Variants in TRAPPC9 observed in about 807,000 individuals in gnomAD.
TRAPPC9 encodes IKK2 binding protein.
TRAPPC9 carries 83 observed loss-of-function variants against 124.0 expected under a neutral mutation model. The ratio of observed to expected loss-of-function variants is 0.67; its 90% CI spans 0.56 to 0.80. The LOEUF is 0.80. Among genes scored for constraint, TRAPPC9 ranks in the 30% least tolerant of loss-of-function variants. TRAPPC9 has a pLI of 0.00. For synonymous variants in TRAPPC9, 638 were observed against 617.5 expected, an observed-to-expected ratio of 1.03 and a Z score of -0.49; for missense variants, 1,302 against 1,508.3, an observed-to-expected ratio of 0.86 and a Z score of 2.27.
chr8:139,837,930 G>A (rs148312779), intron 21 of TRAPPC9, among the ~76,000 whole-genome samples: 140 of 152,164 alleles, frequency 9.2e-4, no homozygotes, highest in Non-Finnish European at 1.6e-3. Flanking sequence ...CTCACAGCTC[G>A]CCCATCTCTA....
chr8:139,888,170 G>A (rs1489632696), intron 20 of TRAPPC9, among the ~76,000 whole-genome samples: 9 of 152,184 alleles, frequency 5.9e-5, no homozygotes, highest in Admixed American at 4.6e-4. Flanking sequence ...TGGGAGCTGT[G>A]GCTGAAGCTC....
intron 21 of TRAPPC9, among the ~76,000 whole-genome samples, chr8:139,757,113 T>G (rs372150749): frequency 0.014 from 718 of 50,298 alleles, no homozygotes; most frequent in African/African-American, 0.021. Flanking sequence ...GAGGACAGCA[T>G]GTCGCAGGAG....
intron 9 of TRAPPC9, among the ~76,000 whole-genome samples, chr8:140,354,246 A>T (rs906815959): frequency 2.0e-5 from 3 of 152,196 alleles, no homozygotes; most frequent in Non-Finnish European, 4.4e-5. Flanking sequence ...TTGCATGCAC[A>T]ACCCATGAGG....
In TRAPPC9 at chr8:139,731,070, C is replaced by A. The variant is rs574908324; in HGVS notation, c.3438G>T (p.Ala1146=). The A allele has an allele frequency of 2.5e-6, 4 of 1,612,690 alleles. No homozygotes were observed. In the African/African-American group the frequency reaches 4.0e-5, roughly 16 times the overall value. The part of the protein sequence containing the change: ...LPSVHVCALE[A]QA ...ACGGAAGTAGGCGGGCTCAGGCCTG[C>A]GCCTCCAGGGCACACACGTGCACAC... Residue 1146 remains alanine (A), a synonymous_variant, in exon 23 of 23, where the codon GCG becomes GCT. Coordinates refer to ENST00000438773, the MANE Select transcript of TRAPPC9 (RefSeq NM_001160372.4).
chr8:140,050,029 A>G (rs1183651362), intron 17 of TRAPPC9, among the ~76,000 whole-genome samples: 13 of 152,232 alleles, frequency 8.5e-5, no homozygotes, highest in Non-Finnish European at 1.9e-4. Flanking sequence ...GTGTAACACC[A>G]GGGGCATGAG....
chr8:140,397,518 G>A (rs920638223), intron 7 of TRAPPC9, 102 bp downstream of exon 7: 15 of 1,319,888 alleles, frequency 1.1e-5, no homozygotes, highest in Admixed American at 1.7e-5. Flanking sequence ...TTTTTATCAT[G>A]GCATGCTGAA....
chr8:139,947,041 T>G (rs1834272502), intron 19 of TRAPPC9, among the ~76,000 whole-genome samples: 1 of 151,736 alleles, frequency 6.6e-6, no homozygotes, highest in African/African-American at 2.4e-5. Context: ...AAAAGAAAGG[T>G]TTTCACACCC....
intron 17 of TRAPPC9, among the ~76,000 whole-genome samples, chr8:140,186,418 T>C (rs986083710): frequency 1.3e-5 from 2 of 151,850 alleles, no homozygotes; most frequent in South Asian, 2.1e-4. Flanking sequence ...ACCCCATCTC[T>C]ACTAAAAATA....
At chr8:140,119,978 C>T (rs1262344264) in intron 17 of TRAPPC9, among the ~76,000 whole-genome samples, 4 of 152,226 alleles carry the variant, frequency 2.6e-5, no homozygotes, top group Admixed American at 1.3e-4. Flanking sequence ...TAGTCCCATT[C>T]AGATTCCAGG....
intron 17 of TRAPPC9, among the ~76,000 whole-genome samples, chr8:140,079,469 G>A (rs1326357073): frequency 1.3e-5 from 2 of 152,064 alleles, no homozygotes; most frequent in East Asian, 3.9e-4. Context: ...GACCAGAGAG[G>A]CCACAAGCAG....
chr8:140,214,504 C>T (rs2063143942), intron 17 of TRAPPC9, among the ~76,000 whole-genome samples: 2 of 152,236 alleles, frequency 1.3e-5, no homozygotes, highest in South Asian at 4.1e-4. Flanking sequence ...TCCTTACATA[C>T]AAGAATGAAG....
At chr8:139,994,309 G>A (rs1837832872) in intron 18 of TRAPPC9, among the ~76,000 whole-genome samples, 1 of 152,230 alleles carries the variant, frequency 6.6e-6, no homozygotes, top group Admixed American at 6.5e-5. Flanking sequence ...GGAGCCGAGA[G>A]GATTGCGCTT....
rs916528553 is a variant in TRAPPC9 at position 139,947,530 on chromosome 8, G to C, written c.2811-37230C>G. Among the ~76,000 whole-genome samples the C allele has an allele frequency of 2.0e-5, 3 of 152,002 alleles. No individual in the cohort carries two copies. The East Asian group carries it at 5.8e-4, about 29-fold the overall frequency. On this transcript the variant is annotated intron_variant, in intron 19 of 22. Transcript: ENST00000438773. Reference sequence around the variant, plus strand: ...TGTCCTTGTTGAAAAGTAGAATAAAGTTCTTATTCCCCTTGAAATCTTGTA... The same window carrying C: ...TGTCCTTGTTGAAAAGTAGAATAAACTTCTTATTCCCCTTGAAATCTTGTA...
rs898933088 is a variant in TRAPPC9, at chr8:139,832,708, G to A, written c.3055+53171C>T. On this transcript the variant is annotated intron_variant, in intron 21 of 22. Coordinates refer to ENST00000438773, the MANE Select transcript of TRAPPC9 (RefSeq NM_001160372.4). Reference sequence around the variant, plus strand: ...CTGGCTGACTTCTCTTCCGCCTCATGAGCCTGCCCAGAAGAGCCTCCTGCA... The same window carrying A: ...CTGGCTGACTTCTCTTCCGCCTCATAAGCCTGCCCAGAAGAGCCTCCTGCA... Among the ~76,000 whole-genome samples the A allele has an allele frequency of 1.9e-4, 29 of 152,246 alleles. 1 individual carries two copies. In the Middle Eastern group the frequency reaches 0.01, roughly 54 times the overall value.
At chr8:139,737,124 G>A (rs1023899928) in intron 21 of TRAPPC9, among the ~76,000 whole-genome samples, 11 of 152,210 alleles carry the variant, frequency 7.2e-5, no homozygotes, top group Admixed American at 1.3e-4. Context: ...AGCTCACCCC[G>A]TCTGTGGCCC....
At chr8:140,396,115 A>G (rs1274437556) in intron 7 of TRAPPC9, among the ~76,000 whole-genome samples, 1 of 146,570 alleles carries the variant, frequency 6.8e-6, no homozygotes, top group Non-Finnish European at 1.5e-5. Context: ...TGGTCACATC[A>G]GTCCCTGATG....
intron 9 of TRAPPC9, among the ~76,000 whole-genome samples, chr8:140,322,287 C>T (rs1174382619): frequency 6.6e-6 from 1 of 152,070 alleles, no homozygotes; most frequent in East Asian, 1.9e-4. Flanking sequence ...TGACCAAACA[C>T]CTGAAGCTAA....
chr8:140,254,926 G>A (rs986430362), intron 15 of TRAPPC9, among the ~76,000 whole-genome samples: 2 of 152,236 alleles, frequency 1.3e-5, no homozygotes, highest in African/African-American at 4.8e-5. Context: ...CCTCACAGGA[G>A]CTCAGGGGAA....
At chr8:140,053,448 A>C (rs577108952) in intron 17 of TRAPPC9, among the ~76,000 whole-genome samples, 4 of 152,302 alleles carry the variant, frequency 2.6e-5, no homozygotes, top group Admixed American at 2.6e-4. Flanking sequence ...CAGTCTTTTT[A>C]AATTTGGTAA....
Sources: gnomAD v4.1 joint callset for allele counts (sites outside exome capture counted in the v4.1 genomes callset) on GRCh38, gnomAD v4.1.1 for gene constraint, MANE v1.5 for transcripts, NCBI Gene and HGNC (gene_info 2026-07-23, HGNC 2026-07-21) for gene names.